The following CLRN1 variants were observed in gnomAD, a reference collection of about 807,000 sequenced individuals.
The protein encoded by CLRN1 is clarin 1.
A neutral mutation model predicts 18.7 loss-of-function variants in CLRN1; 15 were observed. The ratio of observed to expected loss-of-function variants is 0.80; its 90% CI spans 0.54 to 1.23. CLRN1 has a LOEUF of 1.23. CLRN1 is among the 50% of genes most tolerant of loss of function. CLRN1 has a pLI of 0.00. For missense variants in CLRN1, 311 were observed against 277.5 expected (o/e 1.12, Z -0.86); for synonymous variants, 104 against 102.9 (o/e 1.01, Z -0.07).
intron 1 of CLRN1, among the ~76,000 whole-genome samples, chr3:150,950,785 G>C (rs533581428): frequency 4.3e-4 from 65 of 152,234 alleles, no homozygotes; most frequent in African/African-American, 1.5e-3. Context: ...ATTTGACCCA[G>C]CAATCCCATT....
Position 150,927,631 on chromosome 3 carries a change from T to TACACACACAC in CLRN1, c.*295_*304dup. On this transcript the variant is annotated 3_prime_UTR_variant, in exon 3 of 3. Coordinates refer to ENST00000327047, the MANE Select transcript of CLRN1 (RefSeq NM_174878.3). ...ATATCTTTTTGATAGGAAGACATCTTACACACACACACACACACACACACA... is the reference window on the plus strand; with the variant it reads ...ATATCTTTTTGATAGGAAGACATCTTACACACACACACACACACACACACACACACACACA... The TACACACACAC allele has an allele frequency of 2.1e-6, 1 of 472,834 alleles. No homozygotes were observed. The highest frequency in any genetic ancestry group is 2.4e-5 in the Admixed American group (1 of 41,444). 29.3% of individuals were successfully genotyped at this position (472,834 alleles called of 1,614,324 possible). A position where few individuals can be genotyped will look rare whatever the true frequency, so the allele number is the denominator to read the frequency against.
intron 2 of CLRN1, among the ~76,000 whole-genome samples, chr3:150,939,910 C>T (rs557094615): frequency 2.9e-4 from 44 of 152,318 alleles, no homozygotes; most frequent in African/African-American, 1.0e-3. Context: ...GCTCTGATTG[C>T]AAAGCCCTTG....
chr3:150,972,435 TC>T lies in CLRN1; in HGVS notation c.253+20del. 3 of 1,614,098 alleles carry T rather than the reference TC, an allele frequency of 1.9e-6. No individual in the cohort carries two copies. Among genetic ancestry groups the T allele is most frequent in the Non-Finnish European group, 2.5e-6 (3 of 1,180,024 alleles). On this transcript the variant is annotated intron_variant, in intron 1 of 2. Transcript: ENST00000327047. Reference sequence around the variant, plus strand: ...GAGTCTGCCTAAAGCATTAAATAACTCAAATGCAATTGCTACTTACATGAGA... The same window carrying T: ...GAGTCTGCCTAAAGCATTAAATAACTAAATGCAATTGCTACTTACATGAGA...
In CLRN1 at chr3:150,943,883, T is replaced by C. The variant is rs2107955551; in HGVS notation, c.254-2122A>G. 3 of 1,614,116 alleles carry C rather than the reference T, an allele frequency of 1.9e-6. No individual in the cohort carries two copies. The East Asian group carries it at 6.7e-5, about 36-fold the overall frequency. Reference sequence around the variant, plus strand: ...CACAGCACTAAAGCAGCCAGCTGGTTCCTGCACTCGTTCACTCGTGTGCTC... The same window carrying C: ...CACAGCACTAAAGCAGCCAGCTGGTCCCTGCACTCGTTCACTCGTGTGCTC... On this transcript the variant is annotated intron_variant, in intron 1 of 2. Transcript: ENST00000327047.
At chr3:150,951,338 A>AAT (rs35977749) in intron 1 of CLRN1, among the ~76,000 whole-genome samples, 62,720 of 151,294 alleles carry the variant, frequency 0.41, 15,662 homozygotes, top group Non-Finnish European at 0.56. Context: ...GAGTCTGGGT[A>AAT]ATATATATAT....
At chr3:150,954,403 G>T (rs80230877) in intron 1 of CLRN1, among the ~76,000 whole-genome samples, 37 of 152,174 alleles carry the variant, frequency 2.4e-4, no homozygotes, top group African/African-American at 8.2e-4. Flanking sequence ...TTTTTTGTGG[G>T]CTTATTTGCC....
intron 1 of CLRN1, among the ~76,000 whole-genome samples, chr3:150,954,332 T>C (rs780491550): frequency 1.3e-5 from 2 of 152,244 alleles, no homozygotes; most frequent in East Asian, 1.9e-4. Flanking sequence ...TTAATAGATA[T>C]GTAGTTTATC....
intron 1 of CLRN1, among the ~76,000 whole-genome samples, chr3:150,968,446 G>C (rs1715365180): frequency 6.6e-6 from 1 of 152,170 alleles, no homozygotes; most frequent in African/African-American, 2.4e-5. Flanking sequence ...TCTAGAAAAT[G>C]AACCACTGAC....
rs368097882 is a variant in CLRN1 at position 150,972,514 on chromosome 3, A to C, written c.195T>G (p.Leu65=). The part of the protein sequence containing the change: ...DKFMGEMQYG[L]FHGEGVRQCG... ...ACTGCCTCACACCCTCTCCGTGGAA[A>C]AGCCCGTACTGCATTTCACCCATAA... The change falls in exon 1 of 3, where the codon CTT becomes CTG. Residue 65 remains leucine, a synonymous_variant. Coordinates refer to ENST00000327047, the MANE Select transcript of CLRN1 (RefSeq NM_174878.3). 1.7e-5 allele frequency: 27 copies of C among 1,614,080 alleles called. No homozygotes were observed. The highest frequency in any genetic ancestry group is 1.3e-4 in the African/African-American group (10 of 74,920).
At chr3:150,952,721 G>C (rs1714556192) in intron 1 of CLRN1, among the ~76,000 whole-genome samples, 1 of 152,126 alleles carries the variant, frequency 6.6e-6, no homozygotes, top group South Asian at 2.1e-4. Flanking sequence ...AGGGTGGCTA[G>C]GTTTAGCCTG....
intron 1 of CLRN1, among the ~76,000 whole-genome samples, chr3:150,957,818 G>A (rs549924984): frequency 6.6e-5 from 10 of 152,098 alleles, no homozygotes; most frequent in Admixed American, 2.0e-4. Flanking sequence ...CACCACGCCC[G>A]GCTAATTTTT....
chr3:150,936,744 A>C (rs1437345932), intron 2 of CLRN1, among the ~76,000 whole-genome samples: 1 of 152,148 alleles, frequency 6.6e-6, no homozygotes, highest in Non-Finnish European at 1.5e-5. Context: ...TTAGGGTCCA[A>C]CATTAACTGG....
At chr3:150,948,318 A>C (rs1018864454) in intron 1 of CLRN1, among the ~76,000 whole-genome samples, 14 of 151,868 alleles carry the variant, frequency 9.2e-5, no homozygotes, top group Non-Finnish European at 2.1e-4. Flanking sequence ...CCCCGTCTCT[A>C]CTAAAAATAC....
intron 2 of CLRN1, among the ~76,000 whole-genome samples, chr3:150,936,289 C>A (rs544439375): frequency 6.6e-6 from 1 of 152,102 alleles, no homozygotes; most frequent in South Asian, 2.1e-4. Context: ...TATCTATATC[C>A]GAATAATGCC....
At chr3:150,950,158 A>G (rs1423602976) in intron 1 of CLRN1, among the ~76,000 whole-genome samples, 1 of 152,214 alleles carries the variant, frequency 6.6e-6, no homozygotes, top group African/African-American at 2.4e-5. Flanking sequence ...CACAAAAATC[A>G]ACTCAAGATG....
At chr3:150,937,493 T>G (rs1713561783) in intron 2 of CLRN1, among the ~76,000 whole-genome samples, 1 of 152,222 alleles carries the variant, frequency 6.6e-6, no homozygotes, top group Non-Finnish European at 1.5e-5. Flanking sequence ...TAATTAGTGT[T>G]GTGTGAGACC....
At chr3:150,961,970 A>C (rs1715060592) in intron 1 of CLRN1, among the ~76,000 whole-genome samples, 1 of 152,186 alleles carries the variant, frequency 6.6e-6, no homozygotes, top group Non-Finnish European at 1.5e-5. Context: ...AACCATTCAA[A>C]ATCTGATTTT....
intron 2 of CLRN1, among the ~76,000 whole-genome samples, chr3:150,936,809 C>T (rs933111419): frequency 6.6e-6 from 1 of 152,138 alleles, no homozygotes; most frequent in African/African-American, 2.4e-5. Flanking sequence ...CCCTCACTAC[C>T]CAGCACCTAG....
chr3:150,962,725 C>T (rs1218520911), intron 1 of CLRN1, among the ~76,000 whole-genome samples: 1 of 152,164 alleles, frequency 6.6e-6, no homozygotes, highest in Non-Finnish European at 1.5e-5. Flanking sequence ...AATTAGCTAA[C>T]CACACATGTG....
Sources: allele counts gnomAD v4.1 joint callset (sites outside exome capture counted in the v4.1 genomes callset), GRCh38; gene constraint gnomAD v4.1.1; transcripts MANE v1.5; gene names NCBI Gene and HGNC (gene_info 2026-07-23, HGNC 2026-07-21).